ST3GAL1: variants seen among roughly 807,000 people sequenced by gnomAD.
The protein encoded by ST3GAL1 is ST3 beta-galactoside alpha-2,3-sialyltransferase 1.
In ST3GAL1, 16 loss-of-function variants were observed where a neutral mutation model predicts 34.1. The ratio of observed to expected loss-of-function variants is 0.47; its 90% confidence interval spans 0.32 to 0.71. The LOEUF (loss-of-function observed/expected upper bound fraction) is 0.71. ST3GAL1 is among the 30% of genes least tolerant of loss of function. ST3GAL1 has a pLI of 0.04. For missense variants in ST3GAL1, 353 were observed against 447.4 expected, an observed-to-expected ratio of 0.79 and a Z score of 1.90; for synonymous variants, 191 against 184.7, an observed-to-expected ratio of 1.03 and a Z score of -0.28.
chr8:133,497,410 C>T (rs1816985115), intron 3 of ST3GAL1, among the ~76,000 whole-genome samples: 1 of 146,868 alleles, frequency 6.8e-6, no homozygotes, highest in African/African-American at 2.5e-5. Context: ...CAAGTAGTTT[C>T]CTATTAGAGA....
At chr8:133,477,506 C>T (rs1361701692) in intron 3 of ST3GAL1, among the ~76,000 whole-genome samples, 2 of 151,496 alleles carry the variant, frequency 1.3e-5, no homozygotes, top group African/African-American at 4.9e-5. Flanking sequence ...ATCCACAGTC[C>T]TCTGATTCCT....
chr8:133,512,191 G>C (rs192159157), intron 2 of ST3GAL1, among the ~76,000 whole-genome samples: 6 of 152,320 alleles, frequency 3.9e-5, no homozygotes, highest in Admixed American at 2.0e-4. Context: ...CAAAAGGATG[G>C]AAGCCAACAG....
At position 133,571,229 on chromosome 8, in the gene ST3GAL1, A is replaced by G. The variant is rs1002001852; in HGVS notation, c.-582+464T>C. On this transcript the variant is annotated intron_variant, in intron 1 of 9. Transcript: ENST00000522652. The surrounding 1 kb of genome is among the most constrained non-coding windows in gnomAD (Gnocchi z 6.7). ...GCCTGTGACCCCAAATCCGCTCGAG[A>G]GCGCCTGAGCCCGGCCACCCAGCGA... Among the ~76,000 whole-genome samples the G allele has an allele frequency of 2.6e-5, 4 of 152,070 alleles. No homozygotes were observed. Among genetic ancestry groups the G allele is most frequent in the Non-Finnish European group, 5.9e-5 (4 of 68,004 alleles).
rs1200659941 is a variant in ST3GAL1, at chr8:133,551,542, GA to G, written c.-581-5617del. 1.3e-3 allele frequency among the ~76,000 whole-genome samples: 13 copies of G among 9,682 alleles called. No homozygotes were observed. The East Asian group carries it at 0.022, about 16-fold the overall frequency. 6.4% of individuals were successfully genotyped at this position (9,682 alleles called of 152,430 possible). A position where few individuals can be genotyped will look rare whatever the true frequency, so the allele number is the denominator to read the frequency against. On this transcript the variant is annotated intron_variant, in intron 1 of 9. Coordinates refer to ENST00000522652, the MANE Select transcript of ST3GAL1 (RefSeq NM_173344.3). ...AGAAAGAAAGAGAAAGAAAGAGAAG[GA>G]AAGAAAGAAAGAAAGAAAGAAAGAA...
At chr8:133,541,118 T>TAGAGAGAGAGAGAGAGAGAGAGAGAG (rs1243400532) in intron 2 of ST3GAL1, among the ~76,000 whole-genome samples, 1 of 52,154 alleles carries the variant, frequency 1.9e-5, no homozygotes, top group Non-Finnish European at 3.4e-5. Flanking sequence ...TATATATATA[T>TAGAGAGAGAGAGAGAGAGAGAGAGAG]ATAGAGAGAG....
At position 133,459,513 on chromosome 8, in the gene ST3GAL1, T is replaced by A; in HGVS notation, c.*251A>T. The A allele has an allele frequency of 2.6e-6, 1 of 388,398 alleles. No individual in the cohort carries two copies. Among genetic ancestry groups the A allele is most frequent in the Non-Finnish European group, 4.6e-6 (1 of 219,060 alleles). 24.1% of individuals were successfully genotyped at this position (388,398 alleles called of 1,614,324 possible). A position where few individuals can be genotyped will look rare whatever the true frequency, so the allele number is the denominator to read the frequency against. Reference sequence around the variant, plus strand: ...GAACCTTTCCCAGCGTCTCCCCAGCTCTAGGGCAGCAGTGGGGGGACGTTG... The same window carrying A: ...GAACCTTTCCCAGCGTCTCCCCAGCACTAGGGCAGCAGTGGGGGGACGTTG... On this transcript the variant is annotated 3_prime_UTR_variant, in exon 10 of 10. Coordinates refer to ENST00000522652, the MANE Select transcript of ST3GAL1 (RefSeq NM_173344.3). The surrounding 1 kb of genome is among the most constrained non-coding windows in gnomAD (Gnocchi z 4.7).
Position 133,566,628 on chromosome 8 carries a change from G to A in ST3GAL1, c.-582+5065C>T, listed in dbSNP as rs193218007. Among the ~76,000 whole-genome samples the A allele has an allele frequency of 5.9e-4, 90 of 152,260 alleles. No homozygotes were observed. In the East Asian group the frequency reaches 7.9e-3, roughly 13 times the overall value. ...TCACTCAGCCGGCCTGGATAGTAGC[G>A]TCCCCCTGAAAACCTGGGCGCTTTC... On this transcript the variant is annotated intron_variant, in intron 1 of 9. Coordinates refer to ENST00000522652, the MANE Select transcript of ST3GAL1 (RefSeq NM_173344.3).
intron 2 of ST3GAL1, chr8:133,544,199 T>C (rs1818613203): frequency 6.6e-6 from 1 of 152,050 alleles, no homozygotes; most frequent in Non-Finnish European, 1.5e-5. Flanking sequence ...CTGTTCCTTC[T>C]TGGGTCCCTT....
At chr8:133,540,271 G>A (rs1490670079) in intron 2 of ST3GAL1, among the ~76,000 whole-genome samples, 1 of 152,132 alleles carries the variant, frequency 6.6e-6, no homozygotes, top group East Asian at 1.9e-4. Flanking sequence ...TATCAGCAAC[G>A]GAAATTCCAA....
chr8:133,490,258 C>T (rs1023231717), intron 3 of ST3GAL1, among the ~76,000 whole-genome samples: 7 of 152,154 alleles, frequency 4.6e-5, no homozygotes, highest in African/African-American at 1.7e-4. Context: ...GGTCACATGG[C>T]TAGGAAGGGG....
At position 133,466,604 on chromosome 8, in the gene ST3GAL1, G is replaced by A. The variant is rs898862428; in HGVS notation, c.307-514C>T. 3.9e-5 allele frequency among the ~76,000 whole-genome samples: 6 copies of A among 152,208 alleles called. No individual in the cohort carries two copies. Among genetic ancestry groups the A allele is most frequent in the Non-Finnish European group, 5.9e-5 (4 of 68,032 alleles). On this transcript the variant is annotated intron_variant, in intron 5 of 9. Transcript: ENST00000522652. The surrounding 1 kb of genome is among the most constrained non-coding windows in gnomAD (Gnocchi z 4.4). ...CCGCTCAAGCCTTAACAAGAAGAGC[G>A]AGGAGTAGGTGGAAATGCCAGTTCT...
At chr8:133,482,935 C>T (rs1025610857) in intron 3 of ST3GAL1, among the ~76,000 whole-genome samples, 1 of 152,198 alleles carries the variant, frequency 6.6e-6, no homozygotes, top group Non-Finnish European at 1.5e-5. Flanking sequence ...ACAACAAAGG[C>T]ATGAGAGACC....
chr8:133,484,329 C>T (rs1157433941), intron 3 of ST3GAL1, among the ~76,000 whole-genome samples: 15 of 152,194 alleles, frequency 9.9e-5, no homozygotes, highest in Admixed American at 9.2e-4. Flanking sequence ...AAATGCTTCA[C>T]ATTTAACAGA....
At chr8:133,477,634 G>T (rs1563702742) in intron 3 of ST3GAL1, among the ~76,000 whole-genome samples, 1 of 152,036 alleles carries the variant, frequency 6.6e-6, no homozygotes, top group South Asian at 2.1e-4. Flanking sequence ...ATAGAGCAAG[G>T]GGGGAGTATT....
At chr8:133,515,791 TA>T (rs1817627992) in intron 2 of ST3GAL1, 5 of 152,356 alleles carry the variant, frequency 3.3e-5, no homozygotes, top group Non-Finnish European at 7.3e-5. Context: ...TAGATTGTGA[TA>T]AATCATAATT....
chr8:133,549,227 C>A (rs1042945686), intron 1 of ST3GAL1, among the ~76,000 whole-genome samples: 1 of 151,318 alleles, frequency 6.6e-6, no homozygotes, highest in African/African-American at 2.4e-5. Context: ...ATGGAGAAAC[C>A]CTGTCTCTAC....
intron 2 of ST3GAL1, among the ~76,000 whole-genome samples, chr8:133,524,330 A>T (rs957781128): frequency 6.6e-6 from 1 of 152,240 alleles, no homozygotes; most frequent in Admixed American, 6.5e-5. Flanking sequence ...ACACAAACCC[A>T]GGCATTGTCC....
In ST3GAL1 at chr8:133,461,857, A is replaced by AG. The variant is rs775687349; in HGVS notation, c.849+17dup. 6.2e-7 allele frequency: 1 copy of AG among 1,613,650 alleles called. No homozygotes were observed. Among genetic ancestry groups the AG allele is most frequent in the Admixed American group, 1.7e-5 (1 of 60,002 alleles). On this transcript the variant is annotated intron_variant, in intron 9 of 9. Coordinates refer to ENST00000522652, the MANE Select transcript of ST3GAL1 (RefSeq NM_173344.3). This position sits in a 1 kb window ranked among gnomAD's most constrained non-coding sequence, Gnocchi z 4.7. ...TGAGCTTCGAGGCAGCCCTGTGGGC[A>AG]GGGGGAGGGTGGCATACCTCATCGC...
intron 2 of ST3GAL1, among the ~76,000 whole-genome samples, chr8:133,514,797 C>T (rs1340788444): frequency 1.3e-5 from 2 of 152,082 alleles, no homozygotes; most frequent in East Asian, 3.9e-4. Flanking sequence ...CTAAGACCCT[C>T]GAGATCTCCT....
Sources: allele counts gnomAD v4.1 joint callset (sites outside exome capture counted in the v4.1 genomes callset), GRCh38; gene constraint gnomAD v4.1.1; non-coding constraint Gnocchi (gnomAD v3.1); transcripts MANE v1.5; gene names NCBI Gene and HGNC (gene_info 2026-07-23, HGNC 2026-07-21).